The following LYRM4 variants were observed in gnomAD, a reference collection of about 807,000 sequenced individuals.
LYRM4 encodes LYR motif-containing protein 4.
LYRM4 carries 9 observed loss-of-function variants against 11.7 expected under a neutral mutation model. That is an observed-to-expected ratio of 0.77 (90% CI 0.46 to 1.34). LYRM4 has a LOEUF of 1.34. Among genes scored for constraint, LYRM4 ranks in the 40% most tolerant of loss-of-function variants. The probability of loss-of-function intolerance (pLI) is 0.00; values close to 1 mark genes in which losing one functional copy is unlikely to be tolerated. For missense variants in LYRM4, 133 were observed against 112.5 expected (o/e 1.18, Z -0.82); for synonymous variants, 42 against 40.4 (o/e 1.04, Z -0.15).
intron 2 of LYRM4, among the ~76,000 whole-genome samples, chr6:5,138,079 CA>C (rs1477313359): frequency 6.6e-6 from 1 of 151,990 alleles, no homozygotes; most frequent in South Asian, 2.1e-4. Flanking sequence ...TTCAGCAGGT[CA>C]AAAAGGATTC....
At chr6:5,241,004 G>A (rs36010137) in intron 1 of LYRM4, among the ~76,000 whole-genome samples, 6,561 of 152,248 alleles carry the variant, frequency 0.043, 481 homozygotes, top group African/African-American at 0.14. Context: ...TGGAGAATCC[G>A]GTGTTAAGCT....
intron 2 of LYRM4, among the ~76,000 whole-genome samples, chr6:5,153,523 G>A (rs1018474276): frequency 7.9e-5 from 12 of 152,298 alleles, no homozygotes; most frequent in South Asian, 2.1e-4. Flanking sequence ...CGGTGTGACC[G>A]GGGGCAACTC....
At chr6:5,119,909 T>C (rs1405097980) in intron 2 of LYRM4, among the ~76,000 whole-genome samples, 2 of 152,124 alleles carry the variant, frequency 1.3e-5, no homozygotes, top group African/African-American at 4.8e-5. Flanking sequence ...ATGAAACTAT[T>C]TTATTTTTTG....
chr6:5,037,612 G>A, the LYRM4 span, among the ~76,000 whole-genome samples: 3 of 77,152 alleles, frequency 3.9e-5, no homozygotes, highest in African/African-American at 3.7e-5. Context: ...CTCACCTCCC[G>A]GACGGGGCGG....
At chr6:5,214,408 T>G in intron 2 of LYRM4, among the ~76,000 whole-genome samples, 2 of 151,738 alleles carry the variant, frequency 1.3e-5, no homozygotes, top group Non-Finnish European at 1.5e-5. Flanking sequence ...GGGAGAGGAG[T>G]GCAATGGAGG....
chr6:5,167,505 T>C (rs997921389), intron 2 of LYRM4, among the ~76,000 whole-genome samples: 1 of 152,252 alleles, frequency 6.6e-6, no homozygotes, highest in African/African-American at 2.4e-5. Context: ...CATCTTATTT[T>C]GCCTTTTTAA....
chr6:5,130,143 C>G (rs780727261), intron 2 of LYRM4, among the ~76,000 whole-genome samples: 10 of 152,196 alleles, frequency 6.6e-5, no homozygotes, highest in Non-Finnish European at 1.2e-4. Flanking sequence ...CTGTTCCCAC[C>G]CCAGCGCTGG....
chr6:5,202,514 G>T (rs1019077859), intron 2 of LYRM4, among the ~76,000 whole-genome samples: 3 of 152,168 alleles, frequency 2.0e-5, no homozygotes, highest in Non-Finnish European at 1.5e-5. Context: ...GGATGATGTG[G>T]GCACTGGATG....
chr6:5,050,357 A>G, the LYRM4 span, among the ~76,000 whole-genome samples: 19 of 152,206 alleles, frequency 1.2e-4, no homozygotes, highest in Non-Finnish European at 2.1e-4. Context: ...CCTCCAAATA[A>G]TGGGGATCTT....
In LYRM4 at chr6:5,113,843, AG is replaced by A. The variant is rs537923083; in HGVS notation, c.208-4353del. ...CAGCCTCCCAAGTAGCTGGGATTAC[AG>A]GCATGTGCCGCCATGCCTGGCTAAT... On this transcript the variant is annotated intron_variant, in intron 2 of 2. Coordinates refer to ENST00000330636, the MANE Select transcript of LYRM4 (RefSeq NM_020408.6). Among the ~76,000 whole-genome samples the A allele has an allele frequency of 1.2e-3, 185 of 152,214 alleles. 1 individual carries two copies. Among genetic ancestry groups the A allele is most frequent in the Middle Eastern group, 0.01 (3 of 294 alleles).
At chr6:5,219,194 T>C (rs1318203291) in intron 1 of LYRM4, among the ~76,000 whole-genome samples, 1 of 152,226 alleles carries the variant, frequency 6.6e-6, no homozygotes, top group Non-Finnish European at 1.5e-5. Context: ...GTTTGGAATG[T>C]AAAGACCTAA....
chr6:5,169,822 G>C (rs1342817131), intron 2 of LYRM4, among the ~76,000 whole-genome samples: 1 of 152,258 alleles, frequency 6.6e-6, no homozygotes, highest in African/African-American at 2.4e-5. Context: ...CCTTCTATTG[G>C]GATTGGAGGG....
chr6:5,210,938 C>A (rs1168637606), intron 2 of LYRM4, among the ~76,000 whole-genome samples: 1 of 152,056 alleles, frequency 6.6e-6, no homozygotes, highest in Non-Finnish European at 1.5e-5. Context: ...ATTGATTCTA[C>A]CTTTTGGCTA....
chr6:5,166,158 TTGGTAA>T (rs1033188022), intron 2 of LYRM4, among the ~76,000 whole-genome samples: 3 of 152,220 alleles, frequency 2.0e-5, no homozygotes, highest in African/African-American at 7.2e-5. Context: ...TACCTCAGCT[TTGGTAA>T]TGCATTAAAA....
At chr6:5,151,504 C>A (rs964024151) in intron 2 of LYRM4, among the ~76,000 whole-genome samples, 1 of 152,190 alleles carries the variant, frequency 6.6e-6, no homozygotes, top group Non-Finnish European at 1.5e-5. Context: ...TCACACGTGC[C>A]AATTCCACCC....
chr6:5,186,145 G>A (rs774502527), intron 2 of LYRM4, among the ~76,000 whole-genome samples: 1 of 152,178 alleles, frequency 6.6e-6, no homozygotes, highest in Non-Finnish European at 1.5e-5. Flanking sequence ...GCTTATGAGT[G>A]CAAATGACCC....
chr6:5,195,637 TCAAAA>T (rs1324695172), intron 2 of LYRM4, among the ~76,000 whole-genome samples: 1 of 151,908 alleles, frequency 6.6e-6, no homozygotes, highest in African/African-American at 2.4e-5. Context: ...CCCTGTCTCA[TCAAAA>T]CAAAACAAAA....
the LYRM4 span, among the ~76,000 whole-genome samples, chr6:5,063,465 T>A: frequency 6.6e-6 from 1 of 152,078 alleles, no homozygotes; most frequent in Non-Finnish European, 1.5e-5. Context: ...CTGGTCTCCT[T>A]CCCTTGCTTT....
intron 2 of LYRM4, among the ~76,000 whole-genome samples, chr6:5,119,926 A>T (rs931526461): frequency 6.6e-6 from 1 of 151,058 alleles, no homozygotes; most frequent in Non-Finnish European, 1.5e-5. Flanking sequence ...TTTGAGAAAG[A>T]GTCTCGCTCT....
Sources: gnomAD v4.1 joint callset for allele counts (sites outside exome capture counted in the v4.1 genomes callset) on GRCh38, gnomAD v4.1.1 for gene constraint, MANE v1.5 for transcripts, NCBI Gene and HGNC (gene_info 2026-07-23, HGNC 2026-07-21) for gene names.